Variants in C3orf20 observed in about 807,000 individuals in gnomAD.
C3orf20 encodes the protein uncharacterized protein C3orf20.
Under a neutral mutation model 88.3 loss-of-function variants are expected in C3orf20, and 76 were observed. That is an observed-to-expected ratio of 0.86 (90% confidence interval 0.72 to 1.04). C3orf20 has a LOEUF of 1.04. Ranked by LOEUF, C3orf20 falls within the 50% of genes least tolerant of loss-of-function variation. The pLI is 0.00. For synonymous variants in C3orf20, 436 were observed against 437.4 expected, an observed-to-expected ratio of 1.00 and a Z score of 0.04; for missense variants, 1,056 against 1,123.3, an observed-to-expected ratio of 0.94 and a Z score of 0.86.
chr3:14,689,491 A>T (rs1341933976), intron 4 of C3orf20, among the ~76,000 whole-genome samples: 1 of 152,210 alleles, frequency 6.6e-6, no homozygotes. Context: ...AAGATTTTCC[A>T]CTAGCCATAA....
chr3:14,715,002 A>G (rs557946615), intron 8 of C3orf20, among the ~76,000 whole-genome samples: 101 of 152,326 alleles, frequency 6.6e-4, no homozygotes, highest in Non-Finnish European at 1.4e-3. Flanking sequence ...CTTGGTGCCT[A>G]TTATACACTC....
chr3:14,683,685 G>A (rs1039908362), intron 3 of C3orf20, among the ~76,000 whole-genome samples: 3 of 151,994 alleles, frequency 2.0e-5, no homozygotes, highest in African/African-American at 2.4e-5. Context: ...AGACCAGCCC[G>A]GCCAATATGG....
At chr3:14,742,982 G>T (rs981916885) in intron 12 of C3orf20, among the ~76,000 whole-genome samples, 4 of 151,922 alleles carry the variant, frequency 2.6e-5, no homozygotes, top group African/African-American at 9.7e-5. Flanking sequence ...TGAGATTTCA[G>T]TGGAGACACA....
At chr3:14,677,861 T>C (rs1388684470) in intron 1 of C3orf20, among the ~76,000 whole-genome samples, 1 of 152,124 alleles carries the variant, frequency 6.6e-6, no homozygotes, top group African/African-American at 2.4e-5. Flanking sequence ...CTCACATCCT[T>C]GGCTAACCCC....
chr3:14,684,482 C>A, intron 4 of C3orf20, 100 bp downstream of exon 4: 1 of 1,460,890 alleles, frequency 6.8e-7, no homozygotes, highest in Non-Finnish European at 9.3e-7. Flanking sequence ...TTGACATTTC[C>A]AAGAATTGAG....
intron 12 of C3orf20, among the ~76,000 whole-genome samples, chr3:14,756,740 A>C (rs982485119): frequency 6.6e-6 from 1 of 152,200 alleles, no homozygotes; most frequent in African/African-American, 2.4e-5. Flanking sequence ...AATGCTGGAG[A>C]GTAAGAGATG....
chr3:14,688,325 TTCAA>T, intron 4 of C3orf20, among the ~76,000 whole-genome samples: 1 of 148,390 alleles, frequency 6.7e-6, no homozygotes, highest in Admixed American at 6.7e-5. Context: ...AGGCCAGGAG[TTCAA>T]GACCAGCCTG....
At chr3:14,769,124 A>T (rs115220054) in intron 15 of C3orf20, among the ~76,000 whole-genome samples, 1,981 of 152,208 alleles carry the variant, frequency 0.013, 75 homozygotes, top group African/African-American at 0.044. Flanking sequence ...AATCCTGCTG[A>T]GGCACTTGCA....
At chr3:14,740,684 A>G (rs919975640) in intron 12 of C3orf20, among the ~76,000 whole-genome samples, 6 of 152,034 alleles carry the variant, frequency 3.9e-5, no homozygotes, top group Non-Finnish European at 8.8e-5. Context: ...TGTTCTGTAT[A>G]TTTCATCTTT....
intron 5 of C3orf20, among the ~76,000 whole-genome samples, chr3:14,691,345 A>G (rs1349826107): frequency 6.6e-6 from 1 of 152,158 alleles, no homozygotes; most frequent in East Asian, 1.9e-4. Context: ...TGCCCTCCTG[A>G]GCTGGCCCTA....
chr3:14,723,595 G>A (rs1435623193), intron 10 of C3orf20, among the ~76,000 whole-genome samples: 1 of 152,160 alleles, frequency 6.6e-6, no homozygotes, highest in Non-Finnish European at 1.5e-5. Flanking sequence ...AATCTGCTAG[G>A]AGAGGAAGAG....
At chr3:14,715,055 C>A (rs2033888875) in intron 8 of C3orf20, among the ~76,000 whole-genome samples, 1 of 152,206 alleles carries the variant, frequency 6.6e-6, no homozygotes, top group African/African-American at 2.4e-5. Flanking sequence ...TCTTCCCCTT[C>A]TGGGTTTGGC....
intron 12 of C3orf20, among the ~76,000 whole-genome samples, chr3:14,739,524 A>G (rs953051485): frequency 2.6e-5 from 4 of 152,210 alleles, no homozygotes; most frequent in Non-Finnish European, 4.4e-5. Flanking sequence ...GGTTTTCAGA[A>G]TGGTAAATGA....
At chr3:14,733,699 T>TC (rs1436683951) in intron 12 of C3orf20, among the ~76,000 whole-genome samples, 1 of 152,114 alleles carries the variant, frequency 6.6e-6, no homozygotes, top group Non-Finnish European at 1.5e-5. Flanking sequence ...AGTTGGTTTT[T>TC]TTTTTTTTGA....
intron 13 of C3orf20, among the ~76,000 whole-genome samples, chr3:14,758,242 G>A (rs780000397): frequency 6.6e-5 from 10 of 152,170 alleles, no homozygotes; most frequent in Non-Finnish European, 8.8e-5. Flanking sequence ...CTGGGGGTCC[G>A]GAGGGCCATC....
intron 8 of C3orf20, 32 bp downstream of exon 8, chr3:14,714,191 G>A: frequency 1.9e-6 from 3 of 1,609,794 alleles, no homozygotes; most frequent in Non-Finnish European, 1.7e-6. Flanking sequence ...TAGTCACACG[G>A]AAGTACCTCT....
intron 7 of C3orf20, among the ~76,000 whole-genome samples, chr3:14,712,248 T>C (rs2033777486): frequency 6.6e-6 from 1 of 150,624 alleles, no homozygotes; most frequent in Non-Finnish European, 1.5e-5. Flanking sequence ...GAGGCAGAGA[T>C]TGAAATGATG....
At chr3:14,680,852 G>T (rs1019105740) in intron 1 of C3orf20, among the ~76,000 whole-genome samples, 4 of 152,200 alleles carry the variant, frequency 2.6e-5, no homozygotes, top group Non-Finnish European at 4.4e-5. Context: ...GATCCCTCTG[G>T]CTGGTTGCCC....
chr3:14,682,531 C>G lies in C3orf20; in HGVS notation c.-136-47C>G, dbSNP rs1325432430. ...AAGGGACGGGGGACCTCCCCTTGCC[C>G]TACTATGGGGAGAGTGACTAACTCT... On this transcript the variant is annotated intron_variant, in intron 2 of 16. Coordinates refer to ENST00000253697, the MANE Select transcript of C3orf20 (RefSeq NM_032137.5). 1.7e-5 allele frequency: 13 copies of G among 772,944 alleles called. No homozygotes were observed. In the East Asian group the frequency reaches 3.3e-4, roughly 20 times the overall value. 47.9% of individuals were successfully genotyped at this position (772,944 alleles called of 1,614,324 possible). A position where few individuals can be genotyped will look rare whatever the true frequency, so the allele number is the denominator to read the frequency against.
Sources: gnomAD v4.1 joint callset for allele counts (sites outside exome capture counted in the v4.1 genomes callset) on GRCh38, gnomAD v4.1.1 for gene constraint, MANE v1.5 for transcripts, NCBI Gene and HGNC (gene_info 2026-07-23, HGNC 2026-07-21) for gene names.